The following ZNFX1 variants were observed in gnomAD, a reference collection of about 807,000 sequenced individuals.
ZNFX1 encodes NFX1-type zinc finger-containing protein 1.
In ZNFX1, 78 loss-of-function variants were observed where a neutral mutation model predicts 179.8. The ratio of observed to expected loss-of-function variants is 0.43; its 90% CI spans 0.36 to 0.52. The LOEUF (loss-of-function observed/expected upper bound fraction) is 0.52, where lower values mean the gene tolerates loss of function less well. Among genes scored for constraint, ZNFX1 ranks in the 20% least tolerant of loss-of-function variants. The probability of loss-of-function intolerance (pLI) is 0.00; values close to 1 mark genes in which losing one functional copy is unlikely to be tolerated. For missense variants in ZNFX1, 1,927 were observed against 2,386.6 expected (o/e 0.81, Z 4.01); for synonymous variants, 848 against 868.5 (o/e 0.98, Z 0.42).
intron 2 of ZNFX1, among the ~76,000 whole-genome samples, chr20:49,273,170 T>A (rs1981464985): frequency 6.6e-6 from 1 of 152,200 alleles, no homozygotes; most frequent in East Asian, 1.9e-4. Flanking sequence ...TCTGGCTCTG[T>A]CGCCCAGGCT....
chr20:49,249,382 G>A lies in ZNFX1; in HGVS notation c.3642C>T (p.Ser1214=). The change falls in exon 14 of 14, where the codon TCC becomes TCT. Residue 1214 remains serine (S), a synonymous_variant. Transcript: ENST00000396105. The part of the protein sequence containing the change: ...QEGKVGFLQI[S]NRICVALSRA... Reference sequence around the variant, plus strand: ...GGGACAAGGCCACACAGATGCGGTTGGATATCTGCAGAAAACCCACCTTGC... The same window carrying A: ...GGGACAAGGCCACACAGATGCGGTTAGATATCTGCAGAAAACCCACCTTGC... The A allele has an allele frequency of 6.2e-7, 1 of 1,614,230 alleles. No homozygotes were observed. The highest frequency in any genetic ancestry group is 8.5e-7 in the Non-Finnish European group (1 of 1,180,050).
chr20:49,257,152 G>A (rs944607096), intron 8 of ZNFX1, among the ~76,000 whole-genome samples: 2 of 152,186 alleles, frequency 1.3e-5, no homozygotes, highest in African/African-American at 4.8e-5. Flanking sequence ...ACTCATATGT[G>A]CTACATTCTT....
At chr20:49,266,601 A>ATT (rs11393264) in intron 3 of ZNFX1, among the ~76,000 whole-genome samples, 1 of 148,316 alleles carries the variant, frequency 6.7e-6, no homozygotes, top group Non-Finnish European at 1.5e-5. Flanking sequence ...CTACATCTTG[A>ATT]TTTTTTTCAC....
chr20:49,257,356 G>C lies in ZNFX1; in HGVS notation c.2664+61C>G, dbSNP rs1020820041. On this transcript the variant is annotated intron_variant, in intron 8 of 13. Coordinates refer to ENST00000396105, the MANE Select transcript of ZNFX1 (RefSeq NM_021035.3). Reference sequence around the variant, plus strand: ...GAAGTGAATATACTGTATCAGAAGTGGGGGAAAACAAGCGGTCAGAACACT... The same window carrying C: ...GAAGTGAATATACTGTATCAGAAGTCGGGGAAAACAAGCGGTCAGAACACT... 1.9e-6 allele frequency: 3 copies of C among 1,596,836 alleles called. No individual in the cohort carries two copies. In the Admixed American group the frequency reaches 5.1e-5, roughly 27 times the overall value.
chr20:49,264,173 G>A (rs1269778967), intron 5 of ZNFX1, among the ~76,000 whole-genome samples: 1 of 152,238 alleles, frequency 6.6e-6, no homozygotes, highest in Non-Finnish European at 1.5e-5. Context: ...AGTGAGCCGA[G>A]ATTGTGCCAC....
rs959408032 is a variant in ZNFX1 at position 49,248,145 on chromosome 20, G to A, written c.4879C>T (p.Arg1627Cys). 1.1e-5 allele frequency: 17 copies of A among 1,613,944 alleles called. No homozygotes were observed. The highest frequency in any genetic ancestry group is 4.4e-5 in the South Asian group (4 of 91,070). ...CTAGTTCCATACCTCAGGTTTTTGCGGATGGGCACCTGGCAGATAGGGCAG... is the reference window on the plus strand; with the variant it reads ...CTAGTTCCATACCTCAGGTTTTTGCAGATGGGCACCTGGCAGATAGGGCAG... The part of the protein sequence containing the change: ...KVCPICQVPI[R>C]KNLRYGTSIK... Residue 1627 changes from arginine to cysteine, a missense_variant, in exon 14 of 14, where the codon CGC (arginine) becomes TGC (cysteine). Transcript: ENST00000396105. The surrounding 1 kb of genome is among the most constrained non-coding windows in gnomAD (Gnocchi z 4.6).
At position 49,249,566 on chromosome 20, in the gene ZNFX1, T is replaced by A; in HGVS notation, c.3458A>T (p.Gln1153Leu). ...YFLCQEYLPS[Q>L]ITILTTYTGQ... ...GGTATAGGTAGTGAGGATGGTGATC[T>A]GGGAAGGCAGGTATTCCTGGCACAG... Residue 1153 changes from glutamine to leucine, a missense_variant, in exon 14 of 14, where the codon CAG (glutamine) becomes CTG (leucine). Gln to Leu is a moderately radical substitution (Grantham distance 113). Coordinates refer to ENST00000396105, the MANE Select transcript of ZNFX1 (RefSeq NM_021035.3). The A allele has an allele frequency of 1.2e-6, 2 of 1,614,238 alleles. No homozygotes were observed. The highest frequency in any genetic ancestry group is 1.7e-6 in the Non-Finnish European group (2 of 1,180,046).
rs1375922647 is a variant in ZNFX1, at chr20:49,270,965, A to C, written c.847T>G (p.Ser283Ala). 15 of 1,613,962 alleles carry C rather than the reference A, an allele frequency of 9.3e-6. No homozygotes were observed. Among genetic ancestry groups the C allele is most frequent in the Non-Finnish European group, 1.2e-5 (14 of 1,180,016 alleles). ...LPTSLNALRA[S>A]GVDIEEETEK... ...GTTTCCTCTTCTATGTCAACACCAGAGGCTCTCAGAGCATTAAGAGAGGTT... is the reference window on the plus strand; with the variant it reads ...GTTTCCTCTTCTATGTCAACACCAGCGGCTCTCAGAGCATTAAGAGAGGTT... The change falls in exon 3 of 14, where the codon TCT becomes GCT. Residue 283 changes from serine to alanine, a missense_variant. Ser to Ala is a moderately conservative substitution (Grantham distance 99). Transcript: ENST00000396105. The surrounding 1 kb of genome is among the most constrained non-coding windows in gnomAD (Gnocchi z 4.6).
Position 49,248,645 on chromosome 20 carries a change from C to T in ZNFX1, c.4379G>A (p.Arg1460His), listed in dbSNP as rs959147392. The part of the protein sequence containing the change: ...HSCFEGRFHE[R>H]CQQPCKRLLI... ...CAGGCGCTTGCAGGGCTGCTGACAG[C>T]GTTCATGGAAACGCCCTTCGAAGCA... The change falls in exon 14 of 14, where the codon CGC becomes CAC. Residue 1460 changes from arginine (R) to histidine (H), a missense_variant. Transcript: ENST00000396105. This position sits in a 1 kb window ranked among gnomAD's most constrained non-coding sequence, Gnocchi z 4.6. The T allele has an allele frequency of 2.1e-5, 34 of 1,613,680 alleles. No individual in the cohort carries two copies. The highest frequency in any genetic ancestry group is 8.0e-5 in the African/African-American group (6 of 74,944).
At chr20:49,258,108 T>TTG (rs1981017506) in intron 7 of ZNFX1, among the ~76,000 whole-genome samples, 1 of 151,018 alleles carries the variant, frequency 6.6e-6, no homozygotes, top group Non-Finnish European at 1.5e-5. Flanking sequence ...ATTTTTTTTT[T>TTG]TTTTTTGAGA....
chr20:49,268,392 A>T (rs894215045), intron 3 of ZNFX1, among the ~76,000 whole-genome samples: 1 of 152,198 alleles, frequency 6.6e-6, no homozygotes, highest in African/African-American at 2.4e-5. Flanking sequence ...ATCTATTACT[A>T]TGCATGACAA....
chr20:49,251,828 CTCTATTTTTCTT>C (rs1230100665), intron 12 of ZNFX1, among the ~76,000 whole-genome samples: 1 of 143,268 alleles, frequency 7.0e-6, no homozygotes, highest in African/African-American at 2.6e-5. Context: ...GAGCCCTCAT[CTCTATTTTTCTT>C]TCTTTTTTTT....
chr20:49,254,613 C>T lies in ZNFX1; in HGVS notation c.2841G>A (p.Arg947=), dbSNP rs1165217896. ...ACTGGCGTTCATAGCTGAGGATCTT[C>T]CGGCGGGTGTCAGCCTGGTACAACT... ...WLQLYQADTR[R]KILSYERQYR... The change falls in exon 10 of 14, where the codon CGG becomes CGA. Residue 947 remains arginine, a synonymous_variant. Transcript: ENST00000396105. 1 of 1,614,068 alleles carries T rather than the reference C, an allele frequency of 6.2e-7. No individual in the cohort carries two copies. The highest frequency in any genetic ancestry group is 1.3e-5 in the African/African-American group (1 of 75,008).
chr20:49,272,686 A>C (rs1981447187), intron 2 of ZNFX1, among the ~76,000 whole-genome samples: 2 of 152,216 alleles, frequency 1.3e-5, no homozygotes. Flanking sequence ...GGGAAGTACT[A>C]CCTGAATGCT....
intron 13 of ZNFX1, among the ~76,000 whole-genome samples, chr20:49,250,979 G>C (rs904588254): frequency 3.3e-5 from 5 of 152,200 alleles, no homozygotes; most frequent in African/African-American, 9.6e-5. Context: ...AAAGCTCTGG[G>C]ATTACAGGCG....
At position 49,270,012 on chromosome 20, in the gene ZNFX1, G is replaced by T. The variant is rs549178783; in HGVS notation, c.1800C>A (p.Asp600Glu). The T allele has an allele frequency of 1.9e-6, 3 of 1,614,190 alleles. No individual in the cohort carries two copies. The South Asian group carries it at 3.3e-5, about 18-fold the overall frequency. ...WPSKEALKLDDSQMEALQFAL... is the reference protein window; with the variant it reads ...WPSKEALKLDESQMEALQFAL... ...CAAACTGCAAGGCTTCCATCTGGGA[G>T]TCATCCAGCTTCAGGGCTTCTTTTG... The change falls in exon 3 of 14, where the codon GAC becomes GAA. Residue 600 changes from aspartate (D) to glutamate (E), a missense_variant. Coordinates refer to ENST00000396105, the MANE Select transcript of ZNFX1 (RefSeq NM_021035.3). This position sits in a 1 kb window ranked among gnomAD's most constrained non-coding sequence, Gnocchi z 4.6.
In ZNFX1 at chr20:49,271,598, C is replaced by T; in HGVS notation, c.214G>A (p.Ala72Thr). 1 of 1,614,136 alleles carries T rather than the reference C, an allele frequency of 6.2e-7. No individual in the cohort carries two copies. ...AYWQREERFR[A>T]MGRNPHQGRR... The stretch of plus-strand genomic sequence containing the variant: ...CCTTGATGTGGGTTCCTGCCCATGG[C>T]CCTAAATCTCTCTTCCCTCTGCCAG... The change falls in exon 3 of 14, where the codon GCC (alanine) becomes ACC (threonine). Residue 72 changes from alanine (A) to threonine (T), a missense_variant. Physicochemically the swap from Ala to Thr is moderately conservative, Grantham distance 58. Transcript: ENST00000396105.
At chr20:49,251,719 CA>C (rs1229348008) in intron 12 of ZNFX1, 97 bp from the exon 13 acceptor site, 21 of 929,698 alleles carry the variant, frequency 2.3e-5, no homozygotes, top group Admixed American at 1.6e-4. Context: ...TAGGGAGGGC[CA>C]GTTGTGATGG....
intron 8 of ZNFX1, among the ~76,000 whole-genome samples, chr20:49,257,118 A>G (rs1158058796): frequency 6.6e-6 from 1 of 152,218 alleles, no homozygotes; most frequent in Non-Finnish European, 1.5e-5. Flanking sequence ...GAAGGCATTA[A>G]GTACTGAGAC....
Sources: allele counts gnomAD v4.1 joint callset (sites outside exome capture counted in the v4.1 genomes callset), GRCh38; gene constraint gnomAD v4.1.1; non-coding constraint Gnocchi (gnomAD v3.1); transcripts MANE v1.5; gene names NCBI Gene and HGNC (gene_info 2026-07-23, HGNC 2026-07-21).